The following GPC5 variants were observed in gnomAD, a reference collection of about 807,000 sequenced individuals.
GPC5 encodes the protein glypican-5.
GPC5 carries 47 observed loss-of-function variants against 53.9 expected under a neutral mutation model. The observed-to-expected ratio is 0.87, with a 90% CI of 0.69 to 1.11. The LOEUF is 1.11. GPC5 is among the 50% of genes most tolerant of loss of function. The pLI is 0.00. For synonymous variants in GPC5, 286 were observed against 263.3 expected (o/e 1.09, Z -0.84); for missense variants, 748 against 713.1 (o/e 1.05, Z -0.56).
At chr13:92,712,172 T>A (rs1708852237) in intron 7 of GPC5, among the ~76,000 whole-genome samples, 1 of 151,542 alleles carries the variant, frequency 6.6e-6, no homozygotes, top group Non-Finnish European at 1.5e-5. Flanking sequence ...GAGACAAAAA[T>A]TGTCAATATC....
At chr13:92,457,974 T>C (rs973194717) in intron 7 of GPC5, among the ~76,000 whole-genome samples, 1 of 152,102 alleles carries the variant, frequency 6.6e-6, no homozygotes, top group Non-Finnish European at 1.5e-5. Flanking sequence ...CGGCATGCTG[T>C]TGCTAAATTG....
At chr13:92,527,117 AAAG>A (rs1881319869) in intron 7 of GPC5, among the ~76,000 whole-genome samples, 2 of 71,332 alleles carry the variant, frequency 2.8e-5, no homozygotes, top group East Asian at 3.5e-4. Context: ...AAAAAGAAAG[AAAG>A]AAAGAAAGAA....
chr13:91,611,411 G>A (rs2033545197), intron 2 of GPC5, among the ~76,000 whole-genome samples: 1 of 152,168 alleles, frequency 6.6e-6, no homozygotes, highest in African/African-American at 2.4e-5. Context: ...AGTGCCTTCA[G>A]CTGTCATAGT....
intron 7 of GPC5, among the ~76,000 whole-genome samples, chr13:92,579,314 CCTCCCTCCCTCT>C (rs1566302886): frequency 8.7e-6 from 1 of 114,520 alleles, no homozygotes; most frequent in African/African-American, 3.6e-5. Flanking sequence ...TCCCTCCCTC[CCTCCCTCCCTCT>C]CTCTCTCTCT....
chr13:91,624,389 A>G (rs941402179), intron 2 of GPC5, among the ~76,000 whole-genome samples: 3 of 152,172 alleles, frequency 2.0e-5, no homozygotes, highest in Non-Finnish European at 4.4e-5. Flanking sequence ...CAAACAGCAT[A>G]GCTGCCAAAA....
chr13:92,009,944 A>T (rs1433969839), intron 6 of GPC5, among the ~76,000 whole-genome samples: 2 of 152,150 alleles, frequency 1.3e-5, no homozygotes, highest in Non-Finnish European at 2.9e-5. Flanking sequence ...AAGTCCAGAT[A>T]CTCATCTTGA....
chr13:91,700,995 C>T (rs912153180), intron 3 of GPC5, among the ~76,000 whole-genome samples: 9 of 152,084 alleles, frequency 5.9e-5, no homozygotes, highest in South Asian at 2.1e-4. Context: ...GACAATCCTC[C>T]GGCTACTTTT....
intron 7 of GPC5, chr13:92,490,167 G>C (rs1167285515): frequency 6.5e-6 from 1 of 154,408 alleles, no homozygotes; most frequent in Non-Finnish European, 1.5e-5. Context: ...CAGTGCAAAA[G>C]TAATTGCGGG....
intron 7 of GPC5, among the ~76,000 whole-genome samples, chr13:92,549,564 G>A (rs1269986156): frequency 2.0e-5 from 3 of 151,912 alleles, no homozygotes; most frequent in Non-Finnish European, 2.9e-5. Flanking sequence ...CCACATCCTG[G>A]CATTGAAATG....
intron 7 of GPC5, among the ~76,000 whole-genome samples, chr13:92,756,509 G>T (rs1874880407): frequency 6.6e-6 from 1 of 151,948 alleles, no homozygotes; most frequent in African/African-American, 2.4e-5. Flanking sequence ...TGAAATAAAG[G>T]GTATTCAATT....
At chr13:92,115,106 T>A (rs2041589834) in intron 6 of GPC5, among the ~76,000 whole-genome samples, 1 of 152,254 alleles carries the variant, frequency 6.6e-6, no homozygotes, top group South Asian at 2.1e-4. Flanking sequence ...CCATTAGAAG[T>A]GTTTGAATTA....
At chr13:91,717,311 T>C (rs552413893) in intron 3 of GPC5, among the ~76,000 whole-genome samples, 131 of 152,250 alleles carry the variant, frequency 8.6e-4, no homozygotes, top group African/African-American at 2.9e-3. Context: ...CATTAGGAGA[T>C]GGGAAGAACC....
intron 6 of GPC5, among the ~76,000 whole-genome samples, chr13:91,962,537 G>C (rs551733856): frequency 2.1e-4 from 32 of 151,928 alleles, no homozygotes; most frequent in Non-Finnish European, 4.0e-4. Flanking sequence ...TAAAAATTTT[G>C]GGGAGGGTTG....
chr13:92,087,398 G>A (rs1269832358), intron 6 of GPC5, among the ~76,000 whole-genome samples: 1 of 152,178 alleles, frequency 6.6e-6, no homozygotes, highest in South Asian at 2.1e-4. Context: ...CCTGGTACAT[G>A]GTTTATATTT....
At chr13:92,548,497 A>G (rs925633284) in intron 7 of GPC5, among the ~76,000 whole-genome samples, 2 of 151,954 alleles carry the variant, frequency 1.3e-5, no homozygotes, top group South Asian at 4.1e-4. Flanking sequence ...ATTGATAGCA[A>G]TAAAATATCC....
At chr13:92,039,674 G>C (rs992259090) in intron 6 of GPC5, among the ~76,000 whole-genome samples, 3 of 152,290 alleles carry the variant, frequency 2.0e-5, no homozygotes, top group South Asian at 2.1e-4. Context: ...TGAGATCGAG[G>C]TATGGGTAGA....
chr13:92,404,347 C>T (rs1008351682), intron 7 of GPC5, among the ~76,000 whole-genome samples: 15 of 152,100 alleles, frequency 9.9e-5, no homozygotes, highest in African/African-American at 3.6e-4. Context: ...AAACTAGAAA[C>T]AGTGCCAAGC....
intron 7 of GPC5, among the ~76,000 whole-genome samples, chr13:92,369,140 T>A (rs1474676188): frequency 6.6e-6 from 1 of 152,232 alleles, no homozygotes; most frequent in Non-Finnish European, 1.5e-5. Flanking sequence ...CAGCTGTGAA[T>A]ATATCATCAA....
chr13:92,473,462 G>C (rs549368636), intron 7 of GPC5, among the ~76,000 whole-genome samples: 1 of 152,222 alleles, frequency 6.6e-6, no homozygotes, highest in South Asian at 2.1e-4. Context: ...TGGACTAATG[G>C]TCTGGTGTGC....
Sources: allele counts gnomAD v4.1 joint callset (sites outside exome capture counted in the v4.1 genomes callset), GRCh38; gene constraint gnomAD v4.1.1; transcripts MANE v1.5; gene names NCBI Gene and HGNC (gene_info 2026-07-23, HGNC 2026-07-21).